RALYL: variants seen among roughly 807,000 people sequenced by gnomAD.
RALYL encodes RALY RNA binding protein like.
RALYL carries 29 observed loss-of-function variants against 35.1 expected under a neutral mutation model. The observed-to-expected ratio is 0.83, with a 90% CI of 0.61 to 1.13. RALYL has a LOEUF of 1.13. RALYL is among the 50% of genes most tolerant of loss of function. The pLI is 0.00. For missense variants in RALYL, 359 were observed against 360.4 expected (o/e 1.00, Z 0.03); for synonymous variants, 120 against 127.6 (o/e 0.94, Z 0.40).
At position 84,213,847 on chromosome 8, in the gene RALYL, T is replaced by A. The variant is rs963524872; in HGVS notation, c.-24+29423T>A. 2.6e-5 allele frequency among the ~76,000 whole-genome samples: 4 copies of A among 152,316 alleles called. No homozygotes were observed. The South Asian group carries it at 8.3e-4, about 32-fold the overall frequency. On this transcript the variant is annotated intron_variant, in intron 1 of 8. Transcript: ENST00000521268. Reference sequence around the variant, plus strand: ...TTGGAAGTTATGTATGCAATAACGATCAATCTATGTATTGTGAATTCCCTC... The same window carrying A: ...TTGGAAGTTATGTATGCAATAACGAACAATCTATGTATTGTGAATTCCCTC...
intron 2 of RALYL, among the ~76,000 whole-genome samples, chr8:84,584,215 T>C (rs182821514): frequency 4.6e-5 from 7 of 152,338 alleles, no homozygotes; most frequent in Non-Finnish European, 1.0e-4. Flanking sequence ...GGAAAAAATC[T>C]GGATGATATA....
intron 1 of RALYL, among the ~76,000 whole-genome samples, chr8:84,313,909 A>G (rs992733244): frequency 6.6e-6 from 1 of 152,160 alleles, no homozygotes; most frequent in Non-Finnish European, 1.5e-5. Flanking sequence ...TCTTTGTAGC[A>G]GTATCCCACT....
chr8:84,521,483 GTGT>G (rs2058454178), intron 1 of RALYL, among the ~76,000 whole-genome samples: 1 of 152,206 alleles, frequency 6.6e-6, no homozygotes, highest in South Asian at 2.1e-4. Flanking sequence ...CCAGCCAGTT[GTGT>G]TGTTTCATCT....
intron 2 of RALYL, among the ~76,000 whole-genome samples, chr8:84,600,778 A>C (rs1485578474): frequency 9.2e-5 from 14 of 152,112 alleles, no homozygotes; most frequent in Non-Finnish European, 1.3e-4. Context: ...GATGAACTTG[A>C]TTCTGCCATC....
chr8:84,705,905 T>C, intron 2 of RALYL: 1 of 1,482,880 alleles, frequency 6.7e-7, no homozygotes, highest in South Asian at 1.4e-5. Context: ...TTTCACTGTG[T>C]GATTGCTGGT....
At chr8:84,729,447 G>T (rs1409726712) in intron 2 of RALYL, among the ~76,000 whole-genome samples, 1 of 151,926 alleles carries the variant, frequency 6.6e-6, no homozygotes, top group African/African-American at 2.4e-5. Context: ...ATCCAAAATT[G>T]ACACCCTAAC....
intron 1 of RALYL, among the ~76,000 whole-genome samples, chr8:84,425,520 C>T (rs1046526130): frequency 6.6e-6 from 1 of 152,216 alleles, no homozygotes; most frequent in Non-Finnish European, 1.5e-5. Context: ...CTGCGTCGCT[C>T]ACGCTGGGAG....
intron 2 of RALYL, among the ~76,000 whole-genome samples, chr8:84,744,034 A>G (rs1388949769): frequency 6.6e-6 from 1 of 152,026 alleles, no homozygotes. Flanking sequence ...ATTGCACAGC[A>G]ATGTGTATCC....
intron 1 of RALYL, among the ~76,000 whole-genome samples, chr8:84,409,949 A>G (rs1033075526): frequency 1.1e-4 from 17 of 151,956 alleles, no homozygotes; most frequent in African/African-American, 3.9e-4. Context: ...TTGACCGAGA[A>G]TGGAACTAAA....
chr8:84,188,819 GA>G (rs1813162717), intron 1 of RALYL, among the ~76,000 whole-genome samples: 1 of 152,010 alleles, frequency 6.6e-6, no homozygotes, highest in African/African-American at 2.4e-5. Context: ...AATACATTGG[GA>G]ATTTTGTTTT....
chr8:84,753,861 G>C (rs1309778814), intron 2 of RALYL, among the ~76,000 whole-genome samples: 3 of 152,118 alleles, frequency 2.0e-5, no homozygotes, highest in Admixed American at 2.0e-4. Flanking sequence ...TCTCATAGTG[G>C]TTTTGATTTG....
At chr8:84,878,746 CAAT>C (rs35274215) in intron 7 of RALYL, among the ~76,000 whole-genome samples, 69,038 of 151,080 alleles carry the variant, frequency 0.46, 18,691 homozygotes, top group African/African-American at 0.75. Context: ...TAACTCAATA[CAAT>C]GATTGGAAGA....
At chr8:84,919,274 G>A (rs1429978546) in intron 8 of RALYL, among the ~76,000 whole-genome samples, 1 of 151,936 alleles carries the variant, frequency 6.6e-6, no homozygotes, top group Non-Finnish European at 1.5e-5. Context: ...CACACAAGTG[G>A]TATCTATCAA....
At position 84,362,473 on chromosome 8, in the gene RALYL, C is replaced by A. The variant is rs559640462; in HGVS notation, c.-23-166826C>A. Among the ~76,000 whole-genome samples the A allele has an allele frequency of 8.3e-4, 127 of 152,198 alleles. No homozygotes were observed. In the South Asian group the frequency reaches 0.013, roughly 16 times the overall value. ...ATATCAGTTCCTGGCCTGTTAGGAA[C>A]TGGGTGGCACAGCAGGAGGCAAGCG... On this transcript the variant is annotated intron_variant, in intron 1 of 8. Transcript: ENST00000521268.
chr8:84,706,109 C>G (rs1841164482), intron 2 of RALYL: 1 of 1,501,016 alleles, frequency 6.7e-7, no homozygotes, highest in Non-Finnish European at 8.9e-7. Context: ...GTAGGGAAAA[C>G]ATACTTGATT....
At chr8:84,526,559 G>T (rs190520805) in intron 1 of RALYL, among the ~76,000 whole-genome samples, 1 of 152,108 alleles carries the variant, frequency 6.6e-6, no homozygotes, top group Non-Finnish European at 1.5e-5. Flanking sequence ...GCCCAGCCTC[G>T]TGAAATTATA....
intron 1 of RALYL, among the ~76,000 whole-genome samples, chr8:84,238,656 G>C (rs1157091952): frequency 1.3e-5 from 2 of 152,126 alleles, no homozygotes; most frequent in East Asian, 3.9e-4. Flanking sequence ...AGAAGCAAGG[G>C]GGAAGATAGG....
At chr8:84,916,864 A>G (rs1848563560) in intron 8 of RALYL, among the ~76,000 whole-genome samples, 1 of 152,172 alleles carries the variant, frequency 6.6e-6, no homozygotes, top group South Asian at 2.1e-4. Flanking sequence ...AAAGTAAAAC[A>G]TGATGCAAAA....
At chr8:84,508,107 G>T (rs1434085495) in intron 1 of RALYL, among the ~76,000 whole-genome samples, 1 of 152,024 alleles carries the variant, frequency 6.6e-6, no homozygotes, top group Admixed American at 6.6e-5. Context: ...CACATGTAAA[G>T]GTCTTACAGT....
Sources: gnomAD v4.1 joint callset for allele counts (sites outside exome capture counted in the v4.1 genomes callset) on GRCh38, gnomAD v4.1.1 for gene constraint, MANE v1.5 for transcripts, NCBI Gene and HGNC (gene_info 2026-07-23, HGNC 2026-07-21) for gene names.